The following SHB variants were observed in gnomAD, a reference collection of about 807,000 sequenced individuals.
SHB encodes SH2 domain-containing adapter protein B.
SHB carries 20 observed loss-of-function variants against 52.3 expected under a neutral mutation model. The observed-to-expected ratio is 0.38, with a 90% CI of 0.27 to 0.56. The LOEUF (loss-of-function observed/expected upper bound fraction) is 0.56, where lower values mean the gene tolerates loss of function less well. SHB is among the 20% of genes least tolerant of loss of function. The probability of loss-of-function intolerance (pLI) is 0.71; values close to 1 mark genes in which losing one functional copy is unlikely to be tolerated. For synonymous variants in SHB, 397 were observed against 316.5 expected, an observed-to-expected ratio of 1.25 and a Z score of -2.70; for missense variants, 825 against 723.3, an observed-to-expected ratio of 1.14 and a Z score of -1.61.
At chr9:37,937,347 G>T (rs1351102854) in intron 5 of SHB, among the ~76,000 whole-genome samples, 1 of 151,876 alleles carries the variant, frequency 6.6e-6, no homozygotes, top group East Asian at 1.9e-4. Flanking sequence ...AAAAGAAATG[G>T]CAAAAATAAA....
chr9:38,025,419 C>T (rs556005247), intron 1 of SHB, among the ~76,000 whole-genome samples: 1 of 152,316 alleles, frequency 6.6e-6, no homozygotes, highest in East Asian at 1.9e-4. Context: ...GCGACACTTA[C>T]CAGGGACAGG....
intron 5 of SHB, among the ~76,000 whole-genome samples, chr9:37,945,555 G>A (rs979485989): frequency 2.6e-5 from 4 of 152,198 alleles, no homozygotes; most frequent in Admixed American, 6.5e-5. Flanking sequence ...GAACAACCCC[G>A]GCCTTTGGAG....
intron 2 of SHB, among the ~76,000 whole-genome samples, chr9:37,987,513 G>T (rs993463504): frequency 1.3e-5 from 2 of 152,224 alleles, no homozygotes; most frequent in Non-Finnish European, 2.9e-5. Flanking sequence ...AGGTCAGCAA[G>T]GAAGGCAGGC....
chr9:37,950,229 A>G (rs926014176), intron 4 of SHB, among the ~76,000 whole-genome samples: 47 of 150,970 alleles, frequency 3.1e-4, no homozygotes, highest in African/African-American at 9.2e-4. Context: ...GAGCCATTGC[A>G]TCCAGCCTGA....
At chr9:38,052,253 C>G (rs1428339636) in intron 1 of SHB, among the ~76,000 whole-genome samples, 1 of 151,984 alleles carries the variant, frequency 6.6e-6, no homozygotes, top group Admixed American at 6.6e-5. Context: ...GGATGGGCTG[C>G]TTGGTAGCTC....
At chr9:37,972,844 C>T (rs981464078) in intron 3 of SHB, among the ~76,000 whole-genome samples, 2 of 151,836 alleles carry the variant, frequency 1.3e-5, no homozygotes, top group African/African-American at 2.4e-5. Context: ...CCTCACTGTT[C>T]GGGGTTAGAA....
chr9:37,955,040 C>A (rs926566068), intron 4 of SHB, among the ~76,000 whole-genome samples: 1 of 152,072 alleles, frequency 6.6e-6, no homozygotes, highest in Admixed American at 6.5e-5. Context: ...TGGGAAAACC[C>A]GCATCAAGAG....
chr9:37,926,663 A>G (rs1564080489), intron 5 of SHB, among the ~76,000 whole-genome samples: 1 of 152,238 alleles, frequency 6.6e-6, no homozygotes. Flanking sequence ...TGTGGTAGAT[A>G]AAGAGGCGGT....
At chr9:37,929,315 G>C (rs1255932598) in intron 5 of SHB, among the ~76,000 whole-genome samples, 1 of 152,234 alleles carries the variant, frequency 6.6e-6, no homozygotes, top group Non-Finnish European at 1.5e-5. Flanking sequence ...TCTTTGGCAG[G>C]CCCCTCGGAT....
At chr9:38,019,809 G>A (rs138747437) in intron 1 of SHB, among the ~76,000 whole-genome samples, 14 of 152,200 alleles carry the variant, frequency 9.2e-5, no homozygotes, top group East Asian at 1.9e-4. Context: ...GAAACCACCC[G>A]AAACTACTGC....
intron 1 of SHB, among the ~76,000 whole-genome samples, chr9:38,038,147 T>C (rs1306636670): frequency 4.6e-5 from 7 of 152,148 alleles, no homozygotes; most frequent in Non-Finnish European, 7.4e-5. Context: ...CTACGCCCCA[T>C]GCATGTGTGC....
intron 1 of SHB, among the ~76,000 whole-genome samples, chr9:38,038,319 A>C (rs1169200839): frequency 6.6e-6 from 1 of 152,150 alleles, no homozygotes; most frequent in Admixed American, 6.5e-5. Context: ...TGGGAGCCCC[A>C]GGAACCAACA....
chr9:37,968,426 T>C (rs143976674), intron 3 of SHB, among the ~76,000 whole-genome samples: 165 of 152,314 alleles, frequency 1.1e-3, no homozygotes, highest in African/African-American at 3.8e-3. Context: ...TGCAAGACAC[T>C]GTCCTAAACT....
At chr9:38,007,907 C>G (rs1821091736) in intron 2 of SHB, among the ~76,000 whole-genome samples, 1 of 152,156 alleles carries the variant, frequency 6.6e-6, no homozygotes, top group Non-Finnish European at 1.5e-5. Context: ...TGAGTCAGGA[C>G]CTCAAGCTTG....
chr9:37,967,991 T>C (rs1352958619), intron 3 of SHB, among the ~76,000 whole-genome samples: 2 of 152,212 alleles, frequency 1.3e-5, no homozygotes, highest in Admixed American at 6.5e-5. Context: ...GATATGGGGT[T>C]TCCTGAAGAA....
intron 1 of SHB, among the ~76,000 whole-genome samples, chr9:38,021,414 G>C (rs970803272): frequency 2.0e-5 from 3 of 152,176 alleles, no homozygotes; most frequent in Non-Finnish European, 4.4e-5. Flanking sequence ...CCAGCACTTT[G>C]GGAGGCCGAG....
At chr9:38,032,819 G>C (rs1341824287) in intron 1 of SHB, among the ~76,000 whole-genome samples, 1 of 152,174 alleles carries the variant, frequency 6.6e-6, no homozygotes, top group Admixed American at 6.5e-5. Context: ...TGTCCCCATG[G>C]AGAGGCCCCG....
intron 2 of SHB, among the ~76,000 whole-genome samples, chr9:37,989,099 A>T (rs79237081): frequency 1.6e-5 from 2 of 128,934 alleles, no homozygotes; most frequent in Non-Finnish European, 3.3e-5. Flanking sequence ...ACTCTCTCTC[A>T]CACACACATT....
intron 1 of SHB, among the ~76,000 whole-genome samples, chr9:38,064,805 T>C (rs1331432150): frequency 1.3e-5 from 2 of 152,206 alleles, no homozygotes; most frequent in African/African-American, 2.4e-5. Flanking sequence ...GAGAAACCAG[T>C]AGAGTAAGGC....
Sources: gnomAD v4.1 joint callset for allele counts (sites outside exome capture counted in the v4.1 genomes callset) on GRCh38, gnomAD v4.1.1 for gene constraint, MANE v1.5 for transcripts, NCBI Gene and HGNC (gene_info 2026-07-23, HGNC 2026-07-21) for gene names.